Variants in HDAC4 observed in about 807,000 individuals in gnomAD.
The protein encoded by HDAC4 is histone deacetylase A.
In HDAC4, 16 loss-of-function variants were observed where a neutral mutation model predicts 135.1. The observed-to-expected ratio is 0.12, with a 90% CI of 0.08 to 0.18. The LOEUF (loss-of-function observed/expected upper bound fraction) is 0.18. Ranked by LOEUF, HDAC4 falls within the 10% of genes least tolerant of loss-of-function variation. HDAC4 has a pLI of 1.00. For missense variants in HDAC4, 1,143 were observed against 1,511.8 expected (o/e 0.76, Z 4.05); for synonymous variants, 685 against 653.4 (o/e 1.05, Z -0.74).
intron 2 of HDAC4, among the ~76,000 whole-genome samples, chr2:239,334,831 G>C (rs1265847431): frequency 6.6e-6 from 1 of 151,960 alleles, no homozygotes; most frequent in Non-Finnish European, 1.5e-5. Context: ...GACCATCCTG[G>C]CTAACACGGT....
intron 2 of HDAC4, among the ~76,000 whole-genome samples, chr2:239,278,017 C>A (rs1345680711): frequency 2.0e-5 from 3 of 150,220 alleles, no homozygotes; most frequent in Non-Finnish European, 1.5e-5. Flanking sequence ...GCCACACACC[C>A]TAGCAACACA....
intron 4 of HDAC4, among the ~76,000 whole-genome samples, chr2:239,182,205 G>A (rs999735864): frequency 6.6e-6 from 1 of 152,178 alleles, no homozygotes; most frequent in African/African-American, 2.4e-5. Flanking sequence ...GGGCTTCGGG[G>A]TGCTTCTCAG....
chr2:239,071,578 C>T (rs1361796309), intron 22 of HDAC4, among the ~76,000 whole-genome samples: 1 of 152,090 alleles, frequency 6.6e-6, no homozygotes, highest in Admixed American at 6.5e-5. Flanking sequence ...GCTGTCATGA[C>T]CTTTACTCCT....
At chr2:239,236,022 AGAGT>A (rs777657279) in intron 3 of HDAC4, among the ~76,000 whole-genome samples, 50 of 152,380 alleles carry the variant, frequency 3.3e-4, no homozygotes, top group South Asian at 2.5e-3. Context: ...CCTGGGCGAC[AGAGT>A]GAGATTCCGT....
intron 3 of HDAC4, among the ~76,000 whole-genome samples, chr2:239,229,917 T>C (rs2047441902): frequency 6.6e-6 from 1 of 152,094 alleles, no homozygotes; most frequent in South Asian, 2.1e-4. Context: ...TGGGATTCTC[T>C]CCAGAATGCA....
chr2:239,292,742 G>C (rs1057110991), intron 2 of HDAC4, among the ~76,000 whole-genome samples: 2 of 152,018 alleles, frequency 1.3e-5, no homozygotes, highest in African/African-American at 2.4e-5. Context: ...TGTTTGGAAG[G>C]GGGGTGATGG....
At chr2:239,362,876 T>C (rs1693946926) in intron 1 of HDAC4, among the ~76,000 whole-genome samples, 1 of 152,174 alleles carries the variant, frequency 6.6e-6, no homozygotes, top group Admixed American at 6.5e-5. Context: ...TATTCACAGA[T>C]GATATAGTGT....
At chr2:239,162,582 C>G (rs1426968203) in intron 6 of HDAC4, among the ~76,000 whole-genome samples, 1 of 152,226 alleles carries the variant, frequency 6.6e-6, no homozygotes, top group African/African-American at 2.4e-5. Context: ...CAGGAAGCCA[C>G]CTCCTCTCTC....
intron 3 of HDAC4, among the ~76,000 whole-genome samples, chr2:239,197,290 ACT>A (rs2045457700): frequency 6.6e-6 from 1 of 152,038 alleles, no homozygotes; most frequent in African/African-American, 2.4e-5. Flanking sequence ...CTCTCCCAGT[ACT>A]GTCAGGAAAA....
intron 1 of HDAC4, among the ~76,000 whole-genome samples, chr2:239,372,544 C>T (rs1694701725): frequency 6.6e-6 from 1 of 152,258 alleles, no homozygotes; most frequent in South Asian, 2.1e-4. Context: ...AAGACTCGCA[C>T]TCCACACGCT....
chr2:239,063,293 C>T (rs558150670), intron 24 of HDAC4, among the ~76,000 whole-genome samples: 59 of 152,136 alleles, frequency 3.9e-4, no homozygotes, highest in South Asian at 8.3e-4. Flanking sequence ...CTCCGCCTCC[C>T]GGGTTCACGC....
At position 239,285,521 on chromosome 2, in the gene HDAC4, G is replaced by T. The variant is rs568038297; in HGVS notation, c.23-48857C>A. 4.3e-4 allele frequency among the ~76,000 whole-genome samples: 66 copies of T among 152,348 alleles called. No homozygotes were observed. The highest frequency in any genetic ancestry group is 1.5e-3 in the African/African-American group (64 of 41,594). ...GCCGCGGGACCTGTCATCCCAGCTG[G>T]TGGGGAGAAAACGAAGCTGGGTAAA... On this transcript the variant is annotated intron_variant, in intron 2 of 26. Transcript: ENST00000543185. This position sits in a 1 kb window ranked among gnomAD's most constrained non-coding sequence, Gnocchi z 4.5.
At chr2:239,095,399 G>A (rs1436929109) in intron 16 of HDAC4, among the ~76,000 whole-genome samples, 1 of 152,142 alleles carries the variant, frequency 6.6e-6, no homozygotes, top group Admixed American at 6.5e-5. Context: ...TGCCCCTGAG[G>A]GGCTGTATCT....
intron 2 of HDAC4, among the ~76,000 whole-genome samples, chr2:239,242,006 C>A (rs2048199702): frequency 1.3e-5 from 2 of 150,950 alleles, no homozygotes; most frequent in African/African-American, 4.9e-5. Context: ...GCCTTTTACT[C>A]CGCCACATAA....
intron 11 of HDAC4, among the ~76,000 whole-genome samples, chr2:239,129,006 C>A (rs1036225549): frequency 6.6e-6 from 1 of 152,210 alleles, no homozygotes; most frequent in African/African-American, 2.4e-5. Flanking sequence ...CAGCTTCACA[C>A]GGGGACACAA....
rs537792313 is a variant in HDAC4 at position 239,309,579 on chromosome 2, G to A, written c.22+43099C>T. Among the ~76,000 whole-genome samples the A allele has an allele frequency of 4.6e-5, 7 of 152,344 alleles. No homozygotes were observed. The East Asian group carries it at 5.8e-4, about 13-fold the overall frequency. ...TGCATTTACTTCTCCTGCACCTGGC[G>A]GGAGGCTCTGGCCTTGCAGGCGTGC... On this transcript the variant is annotated intron_variant, in intron 2 of 26. Transcript: ENST00000543185. This position sits in a 1 kb window ranked among gnomAD's most constrained non-coding sequence, Gnocchi z 4.2.
intron 2 of HDAC4, among the ~76,000 whole-genome samples, chr2:239,273,882 AAAAAG>A (rs1165936973): frequency 6.6e-6 from 1 of 152,244 alleles, no homozygotes; most frequent in Admixed American, 6.5e-5. Flanking sequence ...AGCCACATAC[AAAAAG>A]AAAAGAGACT....
intron 12 of HDAC4, among the ~76,000 whole-genome samples, chr2:239,121,855 C>T (rs1019727032): frequency 6.6e-6 from 1 of 152,216 alleles, no homozygotes; most frequent in Non-Finnish European, 1.5e-5. Context: ...CTCTCTCTCT[C>T]CTTTGACATT....
At position 239,156,572 on chromosome 2, in the gene HDAC4, C is replaced by A. The variant is rs140073384; in HGVS notation, c.733+80G>T. 7.3e-4 allele frequency: 1,144 copies of A among 1,558,534 alleles called. 14 individuals carry two copies. In the East Asian group the frequency reaches 0.024, roughly 33 times the overall value. On this transcript the variant is annotated intron_variant, in intron 7 of 26. Transcript: ENST00000543185. ...GATTCCTTCTCTAAGTGGAAGACAG[C>A]GGTGGGCCCTGCGTGGCTTGTGGCG...
Sources: allele counts gnomAD v4.1 joint callset (sites outside exome capture counted in the v4.1 genomes callset), GRCh38; gene constraint gnomAD v4.1.1; non-coding constraint Gnocchi (gnomAD v3.1); transcripts MANE v1.5; gene names NCBI Gene and HGNC (gene_info 2026-07-23, HGNC 2026-07-21).